The following KIAA1328 variants were observed in gnomAD, a reference collection of about 807,000 sequenced individuals.
The protein encoded by KIAA1328 is KIAA1328.
A neutral mutation model predicts 68.1 loss-of-function variants in KIAA1328; 52 were observed. The observed-to-expected ratio is 0.76, with a 90% CI of 0.61 to 0.96. The LOEUF is 0.96. Ranked by LOEUF, KIAA1328 falls within the 40% of genes least tolerant of loss-of-function variation. KIAA1328 has a pLI of 0.00. For missense variants in KIAA1328, 641 were observed against 677.6 expected (o/e 0.95, Z 0.60); for synonymous variants, 232 against 239.4 (o/e 0.97, Z 0.28).
intron 1 of KIAA1328, 57 bp downstream of exon 1, chr18:36,829,253 C>G: frequency 6.8e-7 from 1 of 1,460,076 alleles, no homozygotes. Flanking sequence ...CGGCGAGGGG[C>G]GAGCCGTCGC....
intron 7 of KIAA1328, among the ~76,000 whole-genome samples, chr18:37,090,156 T>A (rs894309201): frequency 6.6e-6 from 1 of 152,242 alleles, no homozygotes; most frequent in Non-Finnish European, 1.5e-5. Context: ...AATGAACTGT[T>A]AATTATAAAA....
intron 9 of KIAA1328, among the ~76,000 whole-genome samples, chr18:37,195,949 A>G (rs780954120): frequency 3.3e-5 from 5 of 152,164 alleles, no homozygotes; most frequent in Non-Finnish European, 7.4e-5. Context: ...ATATCTTTCC[A>G]TTTATTAATG....
intron 7 of KIAA1328, among the ~76,000 whole-genome samples, chr18:37,092,715 G>T (rs1201125605): frequency 2.0e-5 from 3 of 152,082 alleles, no homozygotes; most frequent in Non-Finnish European, 4.4e-5. Context: ...GGACTGGCCT[G>T]CTCAGCCCAT....
At chr18:36,886,902 G>C (rs2048520061) in intron 5 of KIAA1328, among the ~76,000 whole-genome samples, 1 of 152,124 alleles carries the variant, frequency 6.6e-6, no homozygotes, top group East Asian at 1.9e-4. Flanking sequence ...AAAAATACAA[G>C]ACTGTAGCTA....
intron 7 of KIAA1328, chr18:37,084,085 G>C: frequency 8.0e-7 from 1 of 1,244,560 alleles, no homozygotes; most frequent in Non-Finnish European, 1.1e-6. Flanking sequence ...AGGTTATCAG[G>C]CTTCACAAGA....
At chr18:37,056,494 T>TA (rs1221607630) in intron 6 of KIAA1328, among the ~76,000 whole-genome samples, 2 of 152,084 alleles carry the variant, frequency 1.3e-5, no homozygotes, top group Admixed American at 1.3e-4. Context: ...AGTTATGAAA[T>TA]ATTATGCTTC....
chr18:37,082,098 CT>C (rs1465413516), intron 7 of KIAA1328, among the ~76,000 whole-genome samples: 2 of 149,740 alleles, frequency 1.3e-5, no homozygotes, highest in Non-Finnish European at 3.0e-5. Context: ...TAATCTCACG[CT>C]TTTTATATAT....
At chr18:36,886,217 G>A (rs1387736647) in intron 5 of KIAA1328, 1 of 152,196 alleles carries the variant, frequency 6.6e-6, no homozygotes, top group African/African-American at 2.4e-5. Context: ...GCACATACTT[G>A]TCAACTAAAA....
At chr18:36,890,528 G>A (rs546733571) in intron 5 of KIAA1328, among the ~76,000 whole-genome samples, 4 of 152,032 alleles carry the variant, frequency 2.6e-5, no homozygotes, top group South Asian at 4.2e-4. Context: ...AAAATTAGCC[G>A]GGCAAGGTGG....
chr18:36,884,993 A>G (rs910184723), intron 4 of KIAA1328, among the ~76,000 whole-genome samples: 1 of 152,048 alleles, frequency 6.6e-6, no homozygotes, highest in Non-Finnish European at 1.5e-5. Flanking sequence ...GACTAAGAAT[A>G]CATGTACTGC....
intron 7 of KIAA1328, among the ~76,000 whole-genome samples, chr18:37,081,245 G>A: frequency 6.6e-6 from 1 of 152,094 alleles, no homozygotes; most frequent in East Asian, 1.9e-4. Context: ...ACCTCCCAAA[G>A]TGCCGGGATT....
chr18:36,874,678 T>C (rs2150943392), intron 4 of KIAA1328, among the ~76,000 whole-genome samples: 1 of 152,326 alleles, frequency 6.6e-6, no homozygotes, highest in South Asian at 2.1e-4. Flanking sequence ...AGAAGCTCTT[T>C]AGTTTAATTA....
At chr18:37,152,419 G>A (rs1030107710) in intron 7 of KIAA1328, among the ~76,000 whole-genome samples, 11 of 152,166 alleles carry the variant, frequency 7.2e-5, no homozygotes, top group Non-Finnish European at 1.6e-4. Flanking sequence ...GTTGCCTTCA[G>A]TGTTTAACCT....
intron 6 of KIAA1328, among the ~76,000 whole-genome samples, chr18:37,016,328 G>A (rs1048870110): frequency 3.3e-4 from 50 of 152,214 alleles, no homozygotes; most frequent in African/African-American, 9.2e-4. Context: ...AACCAACCTT[G>A]CATCCCAGGA....
intron 7 of KIAA1328, among the ~76,000 whole-genome samples, chr18:37,115,201 G>A (rs1213674967): frequency 1.3e-5 from 2 of 152,132 alleles, no homozygotes; most frequent in African/African-American, 4.8e-5. Context: ...GCCGGGCAGA[G>A]GCATGACAAA....
At position 37,086,010 on chromosome 18, in the gene KIAA1328, C is replaced by T. The variant is rs1000068291; in HGVS notation, c.1232+18465C>T. On this transcript the variant is annotated intron_variant, in intron 7 of 9. Transcript: ENST00000280020. ...GAGTTTAAAAATGCCTTATTCAGCA[C>T]AGAAAGACAAATACAGTGTGATCTC... 2.0e-5 allele frequency among the ~76,000 whole-genome samples: 3 copies of T among 152,230 alleles called. No individual in the cohort carries two copies. In the South Asian group the frequency reaches 6.2e-4, roughly 32 times the overall value.
At chr18:37,179,839 A>G (rs1004348325) in intron 9 of KIAA1328, among the ~76,000 whole-genome samples, 2 of 152,120 alleles carry the variant, frequency 1.3e-5, no homozygotes, top group East Asian at 3.9e-4. Flanking sequence ...GCTGGGCCAC[A>G]AAGAGGATGT....
intron 7 of KIAA1328, among the ~76,000 whole-genome samples, chr18:37,159,360 G>A (rs951403096): frequency 6.6e-6 from 1 of 152,086 alleles, no homozygotes; most frequent in Non-Finnish European, 1.5e-5. Context: ...GAGTTTAAAC[G>A]TTTTAATTTT....
intron 4 of KIAA1328, among the ~76,000 whole-genome samples, chr18:36,849,326 G>C (rs1176750561): frequency 6.6e-6 from 1 of 151,906 alleles, no homozygotes; most frequent in Non-Finnish European, 1.5e-5. Flanking sequence ...GTGACATTTA[G>C]TATACTCACA....
Sources: gnomAD v4.1 joint callset for allele counts (sites outside exome capture counted in the v4.1 genomes callset) on GRCh38, gnomAD v4.1.1 for gene constraint, MANE v1.5 for transcripts, NCBI Gene and HGNC (gene_info 2026-07-23, HGNC 2026-07-21) for gene names.